The following RORA variants were observed in gnomAD, a reference collection of about 807,000 sequenced individuals.
The protein encoded by RORA is nuclear receptor ROR-alpha.
In RORA, 7 loss-of-function variants were observed where a neutral mutation model predicts 69.5. That is an observed-to-expected ratio of 0.10 (90% CI 0.06 to 0.19). RORA has a LOEUF of 0.19. Ranked by LOEUF, RORA falls within the 10% of genes least tolerant of loss-of-function variation. RORA has a pLI of 1.00. For synonymous variants in RORA, 261 were observed against 240.8 expected (o/e 1.08, Z -0.78); for missense variants, 457 against 663.0 (o/e 0.69, Z 3.41).
chr15:60,988,304 T>C (rs1894270830), intron 1 of RORA, among the ~76,000 whole-genome samples: 3 of 151,984 alleles, frequency 2.0e-5, no homozygotes, highest in Admixed American at 1.3e-4. Flanking sequence ...CCCTTTGGGG[T>C]AGAAAGTCAG....
intron 1 of RORA, among the ~76,000 whole-genome samples, chr15:60,797,981 T>C (rs534546138): frequency 6.6e-6 from 1 of 152,208 alleles, no homozygotes; most frequent in African/African-American, 2.4e-5. Context: ...AATACGATCA[T>C]CACTGGCCTA....
chr15:60,775,180 G>A (rs968501053), intron 1 of RORA, among the ~76,000 whole-genome samples: 4 of 151,972 alleles, frequency 2.6e-5, no homozygotes, highest in African/African-American at 7.3e-5. Flanking sequence ...TAGTAGTAAC[G>A]TGACTCTAAA....
At chr15:61,211,192 G>T (rs2079987974) in intron 1 of RORA, among the ~76,000 whole-genome samples, 1 of 151,900 alleles carries the variant, frequency 6.6e-6, no homozygotes, top group Admixed American at 6.6e-5. Flanking sequence ...AACAAAAGGG[G>T]ACTGTTTGGC....
intron 1 of RORA, among the ~76,000 whole-genome samples, chr15:60,844,908 T>C (rs2073245041): frequency 6.6e-6 from 1 of 152,140 alleles, no homozygotes; most frequent in African/African-American, 2.4e-5. Context: ...GGGCAACACA[T>C]AATGAAACGG....
intron 1 of RORA, among the ~76,000 whole-genome samples, chr15:61,174,453 T>G (rs1362423438): frequency 1.2e-4 from 18 of 152,222 alleles, no homozygotes; most frequent in Admixed American, 1.2e-3. Context: ...AAGTAGCCAC[T>G]GTTCTGGAAA....
chr15:60,948,265 T>C (rs536344533), intron 1 of RORA, among the ~76,000 whole-genome samples: 1 of 150,160 alleles, frequency 6.7e-6, no homozygotes, highest in Non-Finnish European at 1.5e-5. Context: ...AAATCACAGG[T>C]GTTAAAGAAG....
chr15:60,592,583 T>C, intron 2 of RORA: 1 of 1,211,802 alleles, frequency 8.3e-7, no homozygotes, highest in Non-Finnish European at 1.0e-6. Context: ...CCGGCTGACA[T>C]CACGGCCGCC....
intron 1 of RORA, among the ~76,000 whole-genome samples, chr15:61,189,935 A>G (rs965918500): frequency 6.6e-6 from 1 of 151,600 alleles, no homozygotes; most frequent in Non-Finnish European, 1.5e-5. Flanking sequence ...AAAAAACAAT[A>G]CCAAACTGCA....
chr15:60,531,873 A>T lies in RORA; in HGVS notation c.197-22T>A. ...TGAGCTGCAACAGAAGCACGCAACC[A>T]GTTAATTACATTTTCTTTTAAACAC... On this transcript the variant is annotated intron_variant, in intron 2 of 10. Coordinates refer to ENST00000335670, the MANE Select transcript of RORA (RefSeq NM_134261.3). The surrounding 1 kb of genome is among the most constrained non-coding windows in gnomAD (Gnocchi z 4.8). 6.7e-7 allele frequency: 1 copy of T among 1,481,924 alleles called. No homozygotes were observed. The highest frequency in any genetic ancestry group is 9.2e-7 in the Non-Finnish European group (1 of 1,081,526). 91.8% of individuals were successfully genotyped at this position (1,481,924 alleles called of 1,614,324 possible).
At chr15:60,620,432 T>G (rs1156274539) in intron 2 of RORA, among the ~76,000 whole-genome samples, 1 of 152,166 alleles carries the variant, frequency 6.6e-6, no homozygotes, top group African/African-American at 2.4e-5. Context: ...ATGTGTTAAG[T>G]GGTTAGAACA....
chr15:60,523,874 T>C (rs1408022180), intron 3 of RORA, among the ~76,000 whole-genome samples: 3 of 152,182 alleles, frequency 2.0e-5, no homozygotes, highest in Non-Finnish European at 2.9e-5. Context: ...AGGGTCTCGC[T>C]TTGTTGCCCA....
rs10577286 is a variant in RORA at position 60,671,067 on chromosome 15, G to GATATATATATATATATATATATATAT, written c.196+7564_196+7589dup. 2.5e-3 allele frequency among the ~76,000 whole-genome samples: 306 copies of GATATATATATATATATATATATATAT among 122,084 alleles called. 8 individuals carry two copies. The highest frequency in any genetic ancestry group is 9.2e-3 in the African/African-American group (224 of 24,476). 80.1% of individuals were successfully genotyped at this position (122,084 alleles called of 152,430 possible). A position where few individuals can be genotyped will look rare whatever the true frequency, so the allele number is the denominator to read the frequency against. ...TCTTATATCTCCTATATATCCCATT[G>GATATATATATATATATATATATATAT]ATATATATATATATATATATATATA... On this transcript the variant is annotated intron_variant, in intron 2 of 10. Coordinates refer to ENST00000335670, the MANE Select transcript of RORA (RefSeq NM_134261.3).
At chr15:60,987,521 T>C (rs1369196250) in intron 1 of RORA, among the ~76,000 whole-genome samples, 1 of 152,164 alleles carries the variant, frequency 6.6e-6, no homozygotes, top group African/African-American at 2.4e-5. Context: ...TGGTAAGTAT[T>C]ACAACTTTCA....
intron 1 of RORA, among the ~76,000 whole-genome samples, chr15:60,749,267 G>C (rs777694003): frequency 1.2e-4 from 18 of 152,166 alleles, no homozygotes; most frequent in Non-Finnish European, 7.3e-5. Context: ...AATCTCACTT[G>C]CACCATTAAT....
intron 1 of RORA, among the ~76,000 whole-genome samples, chr15:60,970,015 T>C (rs567834056): frequency 3.0e-4 from 45 of 152,164 alleles, no homozygotes; most frequent in South Asian, 1.0e-3. Flanking sequence ...CTCTCTTTCT[T>C]TCTCTCTCTC....
intron 1 of RORA, among the ~76,000 whole-genome samples, chr15:61,105,002 C>T (rs200759662): frequency 3.5e-5 from 5 of 142,216 alleles, no homozygotes; most frequent in Admixed American, 2.8e-4. Context: ...GGCGCCCCCC[C>T]CACCGCCCAG....
At chr15:60,513,132 C>T (rs534138584) in intron 4 of RORA, among the ~76,000 whole-genome samples, 19 of 152,336 alleles carry the variant, frequency 1.2e-4, no homozygotes, top group Admixed American at 8.5e-4. Context: ...ACGCGCTGTC[C>T]TTGTTCACAG....
At chr15:60,675,646 T>C (rs2070541448) in intron 2 of RORA, among the ~76,000 whole-genome samples, 1 of 152,182 alleles carries the variant, frequency 6.6e-6, no homozygotes, top group Admixed American at 6.5e-5. Flanking sequence ...CTCTGAAGCT[T>C]AACAGTCAAA....
rs181078637 is a variant in RORA, at chr15:60,918,828, G to A, written c.167-240142C>T. On this transcript the variant is annotated intron_variant, in intron 1 of 10. Transcript: ENST00000335670. ...GGGTGCAGGCCCTGAGCTGTACCAGGCTAGTCTTCAGGTCTGTTGAGCCAG... is the reference window on the plus strand; with the variant it reads ...GGGTGCAGGCCCTGAGCTGTACCAGACTAGTCTTCAGGTCTGTTGAGCCAG... 3.3e-5 allele frequency among the ~76,000 whole-genome samples: 5 copies of A among 152,270 alleles called. No homozygotes were observed. The East Asian group carries it at 5.8e-4, about 18-fold the overall frequency.
Sources: allele counts gnomAD v4.1 joint callset (sites outside exome capture counted in the v4.1 genomes callset), GRCh38; gene constraint gnomAD v4.1.1; non-coding constraint Gnocchi (gnomAD v3.1); transcripts MANE v1.5; gene names NCBI Gene and HGNC (gene_info 2026-07-23, HGNC 2026-07-21).